GREB1L: variants seen among roughly 807,000 people sequenced by gnomAD.
GREB1L encodes GREB1-like protein.
A neutral mutation model predicts 200.8 loss-of-function variants in GREB1L; 17 were observed. That is an observed-to-expected ratio of 0.08 (90% CI 0.06 to 0.13). The LOEUF is 0.13. Ranked by LOEUF, GREB1L falls within the 10% of genes least tolerant of loss-of-function variation. GREB1L has a pLI of 1.00. For synonymous variants in GREB1L, 789 were observed against 893.0 expected (o/e 0.88, Z 2.08); for missense variants, 1,657 against 2,367.7 (o/e 0.70, Z 6.23).
At chr18:21,522,423 G>A (rs2037619530) in intron 32 of GREB1L, among the ~76,000 whole-genome samples, 2 of 151,492 alleles carry the variant, frequency 1.3e-5, no homozygotes, top group African/African-American at 2.4e-5. Flanking sequence ...GCAGTGAACC[G>A]AGATCGCACC....
chr18:21,516,162 T>C (rs1057055711), intron 29 of GREB1L, among the ~76,000 whole-genome samples: 5 of 152,144 alleles, frequency 3.3e-5, no homozygotes, highest in Non-Finnish European at 7.4e-5. Flanking sequence ...TCCAGGTTCC[T>C]ACAAAACCTG....
intron 23 of GREB1L, among the ~76,000 whole-genome samples, chr18:21,502,960 C>T (rs184459915): frequency 1.3e-5 from 2 of 152,242 alleles, no homozygotes; most frequent in African/African-American, 2.4e-5. Flanking sequence ...TGGCTTTCTC[C>T]CTTCTCCCTC....
chr18:21,520,050 C>T (rs938526820), intron 31 of GREB1L, among the ~76,000 whole-genome samples: 2 of 152,066 alleles, frequency 1.3e-5, no homozygotes, highest in Admixed American at 1.3e-4. Flanking sequence ...GATTCTCCTG[C>T]CTCCGTCTCC....
intron 1 of GREB1L, among the ~76,000 whole-genome samples, chr18:21,274,555 CAT>C (rs2038130701): frequency 1.3e-5 from 2 of 152,222 alleles, no homozygotes; most frequent in Admixed American, 6.5e-5. Flanking sequence ...TGACCACAGA[CAT>C]GTGCCACCAT....
In GREB1L at chr18:21,466,962, A is replaced by G. The variant is rs2035282645; in HGVS notation, c.2183-6069A>G. ...TCCAGAAATAAACCTCCCATTTACA[A>G]TCAATTCAGTTTTGACAAGGGTGCC... On this transcript the variant is annotated intron_variant, in intron 15 of 32. Transcript: ENST00000424526. Among the ~76,000 whole-genome samples the G allele has an allele frequency of 1.3e-5, 2 of 152,196 alleles. 1 individual carries two copies. Among genetic ancestry groups the G allele is most frequent in the South Asian group, 4.1e-4 (2 of 4,832 alleles).
At chr18:21,366,369 C>T (rs555975584) in intron 2 of GREB1L, among the ~76,000 whole-genome samples, 78 of 151,734 alleles carry the variant, frequency 5.1e-4, no homozygotes, top group African/African-American at 1.8e-3. Flanking sequence ...TTCCTATATA[C>T]CTAAATTAAG....
At chr18:21,315,082 A>G (rs1330086654) in intron 1 of GREB1L, among the ~76,000 whole-genome samples, 2 of 152,034 alleles carry the variant, frequency 1.3e-5, no homozygotes, top group African/African-American at 4.8e-5. Flanking sequence ...TAAGGTATTT[A>G]TTTATTTATT....
chr18:21,472,927 C>A, intron 15 of GREB1L, 104 bp from the exon 16 acceptor site: 1 of 684,820 alleles, frequency 1.5e-6, no homozygotes, highest in Non-Finnish European at 2.3e-6. Context: ...TCTCTTCATA[C>A]AGTTGGTACC....
intron 1 of GREB1L, among the ~76,000 whole-genome samples, chr18:21,343,786 A>AGT (rs1226963149): frequency 4.6e-5 from 6 of 129,510 alleles, no homozygotes; most frequent in Non-Finnish European, 9.3e-5. Flanking sequence ...CCCAGGCTGG[A>AGT]GTGCAGTGGC....
At chr18:21,354,378 A>G (rs1030256185) in intron 1 of GREB1L, among the ~76,000 whole-genome samples, 1 of 152,144 alleles carries the variant, frequency 6.6e-6, no homozygotes, top group Non-Finnish European at 1.5e-5. Flanking sequence ...GCGTGAGCCC[A>G]GTTATTAGAG....
intron 7 of GREB1L, among the ~76,000 whole-genome samples, chr18:21,435,507 T>C (rs893116874): frequency 6.6e-6 from 1 of 152,110 alleles, no homozygotes; most frequent in Non-Finnish European, 1.5e-5. Context: ...TAGCCCAGCA[T>C]TGTAGGAGTA....
chr18:21,361,036 T>G (rs2039573461), intron 1 of GREB1L, among the ~76,000 whole-genome samples: 1 of 152,204 alleles, frequency 6.6e-6, no homozygotes, highest in African/African-American at 2.4e-5. Flanking sequence ...TAGGTCTTTT[T>G]GACCCAGGAG....
intron 7 of GREB1L, among the ~76,000 whole-genome samples, chr18:21,406,236 G>T (rs1275737817): frequency 6.6e-6 from 1 of 152,060 alleles, no homozygotes; most frequent in Non-Finnish European, 1.5e-5. Context: ...TTTGAAAGAG[G>T]AAATCAAGAT....
chr18:21,396,195 C>T (rs553382840), intron 5 of GREB1L, among the ~76,000 whole-genome samples: 1 of 151,986 alleles, frequency 6.6e-6, no homozygotes, highest in East Asian at 1.9e-4. Context: ...CAGGCGCCCA[C>T]CATCACGCCC....
chr18:21,482,818 A>G (rs1348058676), intron 17 of GREB1L, among the ~76,000 whole-genome samples: 1 of 152,168 alleles, frequency 6.6e-6, no homozygotes, highest in Non-Finnish European at 1.5e-5. Context: ...CTGAAAGGGC[A>G]GGCCTTCCAC....
chr18:21,513,996 C>G lies in GREB1L; in HGVS notation c.4901+10C>G. 6.4e-7 allele frequency: 1 copy of G among 1,550,492 alleles called. No individual in the cohort carries two copies. The highest frequency in any genetic ancestry group is 8.7e-7 in the Non-Finnish European group (1 of 1,146,152). The stretch of plus-strand genomic sequence containing the variant: ...TTCAGGAGCCATCCAGGTAGACTTC[C>G]AAGCTGGGGGCGTATGACACAATGC... On this transcript the variant is annotated intron_variant, in intron 28 of 32. Transcript: ENST00000424526.
chr18:21,263,523 ATCTTT>A (rs1335555695), intron 1 of GREB1L, among the ~76,000 whole-genome samples: 10 of 152,136 alleles, frequency 6.6e-5, no homozygotes, highest in African/African-American at 2.4e-4. Flanking sequence ...TTTATATAGA[ATCTTT>A]TCTTAAGTCT....
intron 15 of GREB1L, chr18:21,454,767 A>G: frequency 1.7e-6 from 1 of 584,374 alleles, no homozygotes; most frequent in East Asian, 2.9e-5. Flanking sequence ...TCAAGGGTAA[A>G]TTGTTGTGCA....
Position 21,500,647 on chromosome 18 carries a change from G to A in GREB1L, c.4072+5G>A. 1 of 1,532,162 alleles carries A rather than the reference G, an allele frequency of 6.5e-7. No individual in the cohort carries two copies. Among genetic ancestry groups the A allele is most frequent in the Non-Finnish European group, 8.8e-7 (1 of 1,137,776 alleles). The allele number at this position is 1,532,162 out of a possible 1,614,324, so 94.9% of individuals were successfully genotyped here. A position where few individuals can be genotyped will look rare whatever the true frequency, so the allele number is the denominator to read the frequency against. On this transcript the variant is annotated splice_donor_5th_base_variant and intron_variant, in intron 23 of 32. Coordinates refer to ENST00000424526, the MANE Select transcript of GREB1L (RefSeq NM_001142966.3). ...ATGAGGAGGAGATCAACACCGGTGA[G>A]TGCTGAGCCCAGGGAGTGGGCAGAG...
Sources: allele counts gnomAD v4.1 joint callset (sites outside exome capture counted in the v4.1 genomes callset), GRCh38; gene constraint gnomAD v4.1.1; transcripts MANE v1.5; gene names NCBI Gene and HGNC (gene_info 2026-07-23, HGNC 2026-07-21).